Variants in CKAP2L observed in about 807,000 individuals in gnomAD.
CKAP2L encodes cytoskeleton associated protein 2L.
CKAP2L carries 42 observed loss-of-function variants against 65.7 expected under a neutral mutation model. That is an observed-to-expected ratio of 0.64 (90% CI 0.50 to 0.83). The LOEUF is 0.83. Among genes scored for constraint, CKAP2L ranks in the 40% least tolerant of loss-of-function variants. The pLI is 0.00. For synonymous variants in CKAP2L, 325 were observed against 313.5 expected (o/e 1.04, Z -0.39); for missense variants, 908 against 871.0 (o/e 1.04, Z -0.53).
intron 6 of CKAP2L, 58 bp downstream of exon 6, chr2:112,746,362 C>CAGAGAACTCACATGAA: frequency 7.0e-7 from 1 of 1,434,916 alleles, no homozygotes; most frequent in South Asian, 1.3e-5. Flanking sequence ...CAAACAACAA[C>CAGAGAACTCACATGAA]AGAGAACTCA....
At position 112,738,797 on chromosome 2, in the gene CKAP2L, C is replaced by A. The variant is rs752907268; in HGVS notation, c.*26G>T. 6 of 1,475,050 alleles carry A rather than the reference C, an allele frequency of 4.1e-6. No homozygotes were observed. Among genetic ancestry groups the A allele is most frequent in the South Asian group, 1.1e-5 (1 of 87,804 alleles). 91.4% of individuals were successfully genotyped at this position (1,475,050 alleles called of 1,614,324 possible). Reference sequence around the variant, plus strand: ...CTTGTCTTATGTTGGTTCTGAAACACCTTTTTTAAAAAAAGCATCAAGAAA... The same window carrying A: ...CTTGTCTTATGTTGGTTCTGAAACAACTTTTTTAAAAAAAGCATCAAGAAA... On this transcript the variant is annotated 3_prime_UTR_variant, in exon 9 of 9. Transcript: ENST00000302450.
intron 1 of CKAP2L, 100 bp downstream of exon 1, chr2:112,764,462 C>T (rs1573243467): frequency 1.9e-5 from 25 of 1,323,620 alleles, no homozygotes; most frequent in South Asian, 1.8e-4. Context: ...GGCAGGCGAG[C>T]GGACGGGCAC....
At chr2:112,757,385 G>GTTTT (rs11311328) in intron 3 of CKAP2L, among the ~76,000 whole-genome samples, 171 bp from the exon 4 acceptor site, 18 of 87,418 alleles carry the variant, frequency 2.1e-4, no homozygotes, top group African/African-American at 4.7e-4. Context: ...TAGTTTTTGT[G>GTTTT]TTTTTTTTTT....
Position 112,737,731 on chromosome 2 carries a change from T to C in CKAP2L, c.*1092A>G, listed in dbSNP as rs1402939304. 6.6e-6 allele frequency: 1 copy of C among 152,194 alleles called. No homozygotes were observed. Among genetic ancestry groups the C allele is most frequent in the Non-Finnish European group, 1.5e-5 (1 of 68,040 alleles). 9.4% of individuals were successfully genotyped at this position (152,194 alleles called of 1,614,324 possible). ...TTCCTGGATGAGGCTGATAGACCTT[T>C]GATCAAAGTCCATTCTCCTTGGTAA... On this transcript the variant is annotated 3_prime_UTR_variant, in exon 9 of 9. Coordinates refer to ENST00000302450, the MANE Select transcript of CKAP2L (RefSeq NM_152515.5).
intron 3 of CKAP2L, 105 bp from the exon 4 acceptor site, chr2:112,757,319 G>T: frequency 2.7e-6 from 2 of 728,242 alleles, no homozygotes; most frequent in Non-Finnish European, 2.0e-6. Flanking sequence ...ATCATTTTTA[G>T]AATTTCATCT....
At chr2:112,752,841 G>A (rs940926083) in intron 4 of CKAP2L, among the ~76,000 whole-genome samples, 12 of 152,078 alleles carry the variant, frequency 7.9e-5, no homozygotes, top group African/African-American at 2.2e-4. Context: ...TTTCTCTCAC[G>A]CATAAGCTGT....
intron 6 of CKAP2L, 117 bp downstream of exon 6, chr2:112,746,303 C>CT (rs1558756911): frequency 1.6e-5 from 12 of 752,286 alleles, no homozygotes; most frequent in Middle Eastern, 2.5e-4. Flanking sequence ...TAAGGTATGA[C>CT]TTTATAAGTG....
At chr2:112,758,808 T>C in intron 3 of CKAP2L, among the ~76,000 whole-genome samples, 1 of 152,206 alleles carries the variant, frequency 6.6e-6, no homozygotes, top group East Asian at 1.9e-4. Context: ...ATAGCCACAC[T>C]ATTATACAGC....
chr2:112,754,324 C>A (rs146813382), intron 4 of CKAP2L, among the ~76,000 whole-genome samples: 1 of 152,296 alleles, frequency 6.6e-6, no homozygotes, highest in Non-Finnish European at 1.5e-5. Context: ...GACTCCAGAG[C>A]AACATCCATG....
chr2:112,739,709 C>T (rs1679736837), intron 8 of CKAP2L, among the ~76,000 whole-genome samples: 1 of 152,152 alleles, frequency 6.6e-6, no homozygotes, highest in Non-Finnish European at 1.5e-5. Flanking sequence ...GGCTAGAGTC[C>T]AGTGGTGCAA....
chr2:112,740,998 GAAGTAATCC>G lies in CKAP2L; in HGVS notation c.1823_1831del (p.Gly608_Ser611delinsAla). 6.2e-7 allele frequency: 1 copy of G among 1,608,196 alleles called. No homozygotes were observed. Among genetic ancestry groups the G allele is most frequent in the Non-Finnish European group, 8.5e-7 (1 of 1,175,150 alleles). On this transcript the variant is annotated inframe_deletion and splice_region_variant, in exon 8 of 9. Transcript: ENST00000302450. ...ACTAGTTTCAGCAACTAAAGAGTCA[GAAGTAATCC>G]CTGTGTATGTAAGATCATGAAGGAA...
At chr2:112,762,090 T>C (rs1220503648) in intron 2 of CKAP2L, among the ~76,000 whole-genome samples, 1 of 152,082 alleles carries the variant, frequency 6.6e-6, no homozygotes, top group Non-Finnish European at 1.5e-5. Context: ...GAGCAGAGGG[T>C]ATCACTCTGC....
At chr2:112,747,175 C>T (rs566267787) in intron 5 of CKAP2L, among the ~76,000 whole-genome samples, 43 of 152,032 alleles carry the variant, frequency 2.8e-4, no homozygotes, top group Admixed American at 7.9e-4. Context: ...GCTGCAACCT[C>T]TACCTCCTGG....
At chr2:112,760,379 G>A (rs1268031827) in intron 3 of CKAP2L, among the ~76,000 whole-genome samples, 2 of 152,164 alleles carry the variant, frequency 1.3e-5, no homozygotes, top group Non-Finnish European at 2.9e-5. Flanking sequence ...TCTGTAAAGT[G>A]GGGCTACTAA....
intron 5 of CKAP2L, among the ~76,000 whole-genome samples, chr2:112,751,247 T>C (rs772569529): frequency 7.9e-5 from 12 of 152,178 alleles, no homozygotes; most frequent in East Asian, 5.8e-4. Flanking sequence ...CAGCATAACA[T>C]TGGTACTAGG....
At chr2:112,753,713 A>T (rs1195109319) in intron 4 of CKAP2L, among the ~76,000 whole-genome samples, 1 of 151,742 alleles carries the variant, frequency 6.6e-6, no homozygotes, top group Non-Finnish European at 1.5e-5. Context: ...TTTTTAGTAG[A>T]GATGGGGTTT....
chr2:112,755,280 T>C (rs1680495160), intron 4 of CKAP2L, among the ~76,000 whole-genome samples: 1 of 152,152 alleles, frequency 6.6e-6, no homozygotes, highest in Admixed American at 6.5e-5. Flanking sequence ...TTAACCAACC[T>C]GAGATCTTGA....
In CKAP2L at chr2:112,761,290, C is replaced by T. The variant is rs530340981; in HGVS notation, c.105-526G>A. ...CCTGGCTAACACAGTGAAACCCCAT[C>T]GCTACTAAAAATACAAAAAAATTAG... is the stretch of plus-strand genomic sequence containing the variant. On this transcript the variant is annotated intron_variant, in intron 2 of 8. Transcript: ENST00000302450. 7.2e-5 allele frequency among the ~76,000 whole-genome samples: 11 copies of T among 151,900 alleles called. No individual in the cohort carries two copies. The South Asian group carries it at 2.1e-3, about 29-fold the overall frequency.
At chr2:112,741,064 G>T in intron 7 of CKAP2L, 57 bp from the exon 8 acceptor site, 2 of 1,157,700 alleles carry the variant, frequency 1.7e-6, no homozygotes, top group Non-Finnish European at 2.5e-6. Context: ...ACTTCAACTA[G>T]AAGTCAATAA....
Sources: allele counts gnomAD v4.1 joint callset (sites outside exome capture counted in the v4.1 genomes callset), GRCh38; gene constraint gnomAD v4.1.1; transcripts MANE v1.5; gene names NCBI Gene and HGNC (gene_info 2026-07-23, HGNC 2026-07-21).